The following UQCRH variants were observed in gnomAD, a reference collection of about 807,000 sequenced individuals.
UQCRH encodes ubiquinol-cytochrome c reductase hinge protein.
UQCRH carries 14 observed loss-of-function variants against 16.3 expected under a neutral mutation model. The ratio of observed to expected loss-of-function variants is 0.86; its 90% CI spans 0.57 to 1.34. UQCRH has a LOEUF of 1.34. Among genes scored for constraint, UQCRH ranks in the 40% most tolerant of loss-of-function variants. UQCRH has a pLI of 0.00. For synonymous variants in UQCRH, 41 were observed against 41.9 expected, an observed-to-expected ratio of 0.98 and a Z score of 0.08; for missense variants, 89 against 111.9, an observed-to-expected ratio of 0.80 and a Z score of 0.92.
chr1:46,309,142 A>G lies in UQCRH; in HGVS notation c.81+15A>G. 6.2e-7 allele frequency: 1 copy of G among 1,607,316 alleles called. No homozygotes were observed. The highest frequency in any genetic ancestry group is 1.7e-4 in the Middle Eastern group (1 of 6,050). The stretch of plus-strand genomic sequence containing the variant: ...AGGAATTAGTGGTAAGAACTGTCTC[A>G]GGTTTGGAAACATCTCAGTAAAAGC... On this transcript the variant is annotated intron_variant, in intron 2 of 3. Transcript: ENST00000311672.
chr1:46,309,784 G>A (rs1661434805), intron 2 of UQCRH: 1 of 1,055,402 alleles, frequency 9.5e-7, no homozygotes, highest in African/African-American at 1.7e-5. Flanking sequence ...TCTCAGACAA[G>A]GGGATTTGAA....
intron 3 of UQCRH, among the ~76,000 whole-genome samples, chr1:46,314,101 G>A (rs541007877): frequency 1.9e-3 from 290 of 152,218 alleles, no homozygotes; most frequent in Non-Finnish European, 3.4e-3. Context: ...CCGGGGCACG[G>A]TGGCTCATGC....
chr1:46,310,444 C>A, intron 3 of UQCRH, 128 bp downstream of exon 3: 2 of 1,359,556 alleles, frequency 1.5e-6, no homozygotes, highest in Non-Finnish European at 2.0e-6. Context: ...ACATATGGTG[C>A]GCTGAGCATT....
At chr1:46,306,947 A>G (rs6429596) in intron 1 of UQCRH, among the ~76,000 whole-genome samples, 109,844 of 152,034 alleles carry the variant, frequency 0.72, 39,970 homozygotes, top group Middle Eastern at 0.81. Context: ...GTGCAGTGGT[A>G]CAGTCATAGC....
intron 3 of UQCRH, among the ~76,000 whole-genome samples, chr1:46,314,637 C>A (rs1289378665): frequency 6.7e-6 from 1 of 149,100 alleles, no homozygotes; most frequent in Non-Finnish European, 1.5e-5. Context: ...TGCGCCATTG[C>A]ACTCCACCCT....
intron 2 of UQCRH, 132 bp downstream of exon 2, chr1:46,309,259 TC>T (rs1032722532): frequency 9.8e-7 from 1 of 1,020,890 alleles, no homozygotes; most frequent in East Asian, 2.6e-5. Context: ...CTTTGATACT[TC>T]CTGTGCAGTG....
At chr1:46,314,364 C>CA (rs59435183) in intron 3 of UQCRH, among the ~76,000 whole-genome samples, 2,619 of 72,856 alleles carry the variant, frequency 0.036, 31 homozygotes, top group Non-Finnish European at 0.05. Flanking sequence ...GACTCCGTCT[C>CA]AAAAAAAAAA....
rs1454581373 is a variant in UQCRH, at chr1:46,303,754, A to C, written c.-13A>C. On this transcript the variant is annotated 5_prime_UTR_variant, in exon 1 of 4. Coordinates refer to ENST00000311672, the MANE Select transcript of UQCRH (RefSeq NM_006004.4). ...TGTTGCTGCTCGTGTTGAATCTAGA[A>C]CCGTAGCCAGACATGGGACTGGAGG... 4.3e-6 allele frequency: 7 copies of C among 1,614,088 alleles called. No homozygotes were observed. The East Asian group carries it at 1.6e-4, about 36-fold the overall frequency.
chr1:46,308,916 C>T (rs984683748), intron 1 of UQCRH, among the ~76,000 whole-genome samples, 185 bp from the exon 2 acceptor site: 2 of 152,162 alleles, frequency 1.3e-5, no homozygotes, highest in African/African-American at 2.4e-5. Flanking sequence ...AAAATTAGCC[C>T]TGGAAGAGCA....
chr1:46,304,831 G>A (rs1414938783), intron 1 of UQCRH, among the ~76,000 whole-genome samples: 2 of 152,158 alleles, frequency 1.3e-5, no homozygotes, highest in African/African-American at 2.4e-5. Context: ...AGGAATTGCG[G>A]CCAAGCAGCG....
intron 3 of UQCRH, among the ~76,000 whole-genome samples, chr1:46,315,112 A>G (rs1049448109): frequency 6.6e-6 from 1 of 152,142 alleles, no homozygotes; most frequent in African/African-American, 2.4e-5. Context: ...ACCACCTCGG[A>G]CAACATGGTG....
intron 3 of UQCRH, among the ~76,000 whole-genome samples, chr1:46,312,957 A>G (rs1275782865): frequency 6.6e-6 from 1 of 152,120 alleles, no homozygotes; most frequent in Non-Finnish European, 1.5e-5. Context: ...AGTGTTGACG[A>G]CAATGTGGAA....
At position 46,309,121 on chromosome 1, in the gene UQCRH, AT is replaced by A. The variant is rs763581933; in HGVS notation, c.77del (p.Leu26Ter). On this transcript the variant is annotated frameshift_variant, in exon 2 of 4. Coordinates refer to ENST00000311672, the MANE Select transcript of UQCRH (RefSeq NM_006004.4). LOFTEE classifies it high-confidence loss of function. ...TGTAGGAGGAAGAGGAAGAGGAGGA[AT>A]TAGTGGTAAGAACTGTCTCAGGTTT... ...PEEEEEEEEE[L>X]VDPLTTVREQ... 3.1e-6 allele frequency: 5 copies of A among 1,612,912 alleles called. No homozygotes were observed. The highest frequency in any genetic ancestry group is 4.2e-6 in the Non-Finnish European group (5 of 1,179,752).
chr1:46,313,400 G>A (rs1481233162), intron 3 of UQCRH, among the ~76,000 whole-genome samples: 3 of 151,740 alleles, frequency 2.0e-5, no homozygotes, highest in Non-Finnish European at 1.5e-5. Context: ...AGGCGGAGGC[G>A]GGTGGATCAT....
At chr1:46,308,014 G>T (rs1296754229) in intron 1 of UQCRH, among the ~76,000 whole-genome samples, 3 of 152,112 alleles carry the variant, frequency 2.0e-5, no homozygotes, top group Admixed American at 1.3e-4. Flanking sequence ...TCTAATTACT[G>T]TTTATTATCT....
intron 1 of UQCRH, among the ~76,000 whole-genome samples, chr1:46,305,758 A>G (rs920646324): frequency 5.3e-5 from 8 of 149,964 alleles, no homozygotes; most frequent in African/African-American, 2.0e-4. Flanking sequence ...CTCAAAATAA[A>G]TAAATAAATA....
chr1:46,311,362 G>A (rs927871961), intron 3 of UQCRH, among the ~76,000 whole-genome samples: 1 of 150,014 alleles, frequency 6.7e-6, no homozygotes, highest in African/African-American at 2.5e-5. Context: ...GGCGGATCAC[G>A]AGGTCAGGAG....
At chr1:46,316,528 C>G (rs765239630) in intron 3 of UQCRH, 24 bp from the exon 4 acceptor site, 1 of 1,613,584 alleles carries the variant, frequency 6.2e-7, no homozygotes, top group East Asian at 2.2e-5. Flanking sequence ...CAATTGATTA[C>G]CTCCTTTTCT....
chr1:46,308,886 G>A (rs1001309464), intron 1 of UQCRH, among the ~76,000 whole-genome samples: 1 of 152,176 alleles, frequency 6.6e-6, no homozygotes, highest in Admixed American at 6.5e-5. Flanking sequence ...AGGTATGCTC[G>A]CAGGCAAGTT....
Sources: allele counts gnomAD v4.1 joint callset (sites outside exome capture counted in the v4.1 genomes callset), GRCh38; gene constraint gnomAD v4.1.1; transcripts MANE v1.5; gene names NCBI Gene and HGNC (gene_info 2026-07-23, HGNC 2026-07-21).